The following SLC12A2 variants were observed in gnomAD, a reference collection of about 807,000 sequenced individuals.
SLC12A2 encodes the protein solute carrier family 12 member 2.
In SLC12A2, 67 loss-of-function variants were observed where a neutral mutation model predicts 136.3. The ratio of observed to expected loss-of-function variants is 0.49; its 90% CI spans 0.40 to 0.60. The LOEUF is 0.60. SLC12A2 is among the 20% of genes least tolerant of loss of function. SLC12A2 has a pLI of 0.00. For synonymous variants in SLC12A2, 619 were observed against 562.9 expected (o/e 1.10, Z -1.41); for missense variants, 1,322 against 1,534.7 (o/e 0.86, Z 2.32).
At position 128,084,239 on chromosome 5, in the gene SLC12A2, TGCG is replaced by T. The variant is rs746633185; in HGVS notation, c.306_308del (p.Ala107del). On this transcript the variant is annotated inframe_deletion, in exon 1 of 27. Transcript: ENST00000262461. The surrounding 1 kb of genome is among the most constrained non-coding windows in gnomAD (Gnocchi z 5.6). ...CCGAGAACGCCGGGCGGGCCGCTGC[TGCG>T]GCGGCGGCGGCGGCGGCGGCAGCGG... The T allele has an allele frequency of 3.1e-4, 401 of 1,274,644 alleles. No homozygotes were observed. The highest frequency in any genetic ancestry group is 2.3e-3 in the South Asian group (77 of 33,112). The allele number at this position is 1,274,644 out of a possible 1,614,324, so 79.0% of individuals were successfully genotyped here.
intron 1 of SLC12A2, among the ~76,000 whole-genome samples, chr5:128,103,600 T>G (rs1401626772): frequency 6.6e-6 from 1 of 152,066 alleles, no homozygotes; most frequent in Non-Finnish European, 1.5e-5. Context: ...AATTACAGAG[T>G]ATGATATGTG....
chr5:128,158,550 G>A (rs1258998857), intron 16 of SLC12A2, among the ~76,000 whole-genome samples: 1 of 152,130 alleles, frequency 6.6e-6, no homozygotes, highest in Non-Finnish European at 1.5e-5. Context: ...TTTTATGGCT[G>A]CATAATACTC....
In SLC12A2 at chr5:128,166,813, T is replaced by A. The variant is rs1289193336; in HGVS notation, c.2617-948T>A. On this transcript the variant is annotated intron_variant, in intron 17 of 26. Transcript: ENST00000262461. ...AAATGGTTAAAATGACAATTTTTTTTATTTATCTTTTGCTACAATAAAATA... is the reference window on the plus strand; with the variant it reads ...AAATGGTTAAAATGACAATTTTTTTAATTTATCTTTTGCTACAATAAAATA... Among the ~76,000 whole-genome samples the A allele has an allele frequency of 5.3e-5, 8 of 152,084 alleles. No homozygotes were observed. The East Asian group carries it at 5.8e-4, about 11-fold the overall frequency.
At chr5:128,152,027 G>C (rs3805610) in intron 14 of SLC12A2, among the ~76,000 whole-genome samples, 19,163 of 152,036 alleles carry the variant, frequency 0.13, 1,418 homozygotes, top group African/African-American at 0.21. Flanking sequence ...ATTATAACCC[G>C]TGACACATGA....
At chr5:128,118,028 C>T (rs10039525) in intron 4 of SLC12A2, among the ~76,000 whole-genome samples, 72,161 of 151,952 alleles carry the variant, frequency 0.47, 18,348 homozygotes, top group Non-Finnish European at 0.56. Flanking sequence ...CCATCTTACT[C>T]CTGCAGGAAT....
At chr5:128,118,023 T>C (rs1319438508) in intron 4 of SLC12A2, among the ~76,000 whole-genome samples, 1 of 152,110 alleles carries the variant, frequency 6.6e-6, no homozygotes, top group East Asian at 1.9e-4. Context: ...AGATACCATC[T>C]TACTCCTGCA....
chr5:128,147,749 A>T lies in SLC12A2; in HGVS notation c.1881+20A>T. The T allele has an allele frequency of 7.1e-7, 1 of 1,404,648 alleles. No individual in the cohort carries two copies. The highest frequency in any genetic ancestry group is 1.2e-5 in the South Asian group (1 of 85,008). 87.0% of individuals were successfully genotyped at this position (1,404,648 alleles called of 1,614,324 possible). On this transcript the variant is annotated intron_variant, in intron 11 of 26. Coordinates refer to ENST00000262461, the MANE Select transcript of SLC12A2 (RefSeq NM_001046.3). The stretch of plus-strand genomic sequence containing the variant: ...TTTCAGGTAAGTGTTTTTATATTAC[A>T]GGCTTTATTAAAGGGAGAGTTAAAG...
intron 4 of SLC12A2, among the ~76,000 whole-genome samples, chr5:128,126,757 T>C (rs1156789121): frequency 6.6e-6 from 1 of 151,722 alleles, no homozygotes; most frequent in African/African-American, 2.4e-5. Flanking sequence ...TTCCTAGTCT[T>C]AGAGGGAATG....
Position 128,083,975 on chromosome 5 carries a change from G to C in SLC12A2, c.21G>C (p.Ala7=). 4.0e-6 allele frequency: 5 copies of C among 1,240,846 alleles called. No individual in the cohort carries two copies. The highest frequency in any genetic ancestry group is 5.0e-6 in the Non-Finnish European group (5 of 992,656). The allele number at this position is 1,240,846 out of a possible 1,614,324, so 76.9% of individuals were successfully genotyped here. A position where few individuals can be genotyped will look rare whatever the true frequency, so the allele number is the denominator to read the frequency against. ...CAGCTATGGAGCCGCGGCCCACGGC[G>C]CCCTCCTCCGGCGCCCCGGGACTGG... MEPRPT[A]PSSGAPGLAG... is the part of the protein sequence containing the mutation. Residue 7 remains alanine, a synonymous_variant, in exon 1 of 27, where the codon GCG becomes GCC. Coordinates refer to ENST00000262461, the MANE Select transcript of SLC12A2 (RefSeq NM_001046.3).
At chr5:128,179,161 C>T (rs1763623645) in intron 22 of SLC12A2, among the ~76,000 whole-genome samples, 1 of 152,132 alleles carries the variant, frequency 6.6e-6, no homozygotes, top group Non-Finnish European at 1.5e-5. Context: ...ACCCCACCCC[C>T]TTTTATAATT....
intron 16 of SLC12A2, among the ~76,000 whole-genome samples, chr5:128,159,338 G>A (rs941976281): frequency 1.3e-5 from 2 of 152,086 alleles, no homozygotes; most frequent in Admixed American, 1.3e-4. Flanking sequence ...CAGGACAAAG[G>A]CATGGGCACA....
intron 19 of SLC12A2, among the ~76,000 whole-genome samples, chr5:128,173,443 A>T (rs907840075): frequency 1.3e-5 from 2 of 152,346 alleles, no homozygotes; most frequent in East Asian, 1.9e-4. Context: ...TGAAACTTTT[A>T]AAAAGTATTT....
intron 1 of SLC12A2, among the ~76,000 whole-genome samples, chr5:128,098,503 T>G (rs1201776282): frequency 6.6e-6 from 1 of 151,992 alleles, no homozygotes; most frequent in Non-Finnish European, 1.5e-5. Flanking sequence ...TTGTTTTTTT[T>G]TCTTGAGTGT....
At chr5:128,146,226 A>G (rs1350910631) in intron 10 of SLC12A2, among the ~76,000 whole-genome samples, 2 of 151,930 alleles carry the variant, frequency 1.3e-5, no homozygotes, top group Admixed American at 1.3e-4. Flanking sequence ...CAATATGGTT[A>G]TCCTACTTAA....
intron 22 of SLC12A2, among the ~76,000 whole-genome samples, chr5:128,179,989 C>G (rs983079040): frequency 5.6e-5 from 1 of 17,772 alleles, no homozygotes; most frequent in Non-Finnish European, 1.0e-4. Context: ...TTTTTTTTTG[C>G]GACTGAGTCT....
intron 1 of SLC12A2, among the ~76,000 whole-genome samples, chr5:128,088,659 A>G (rs1035265358): frequency 3.9e-5 from 6 of 152,194 alleles, no homozygotes; most frequent in Non-Finnish European, 7.3e-5. Flanking sequence ...TTACCATTGC[A>G]GTTGTCCTTG....
At chr5:128,182,509 T>C (rs1165305848) in intron 23 of SLC12A2, among the ~76,000 whole-genome samples, 4 of 152,162 alleles carry the variant, frequency 2.6e-5, no homozygotes, top group African/African-American at 4.8e-5. Context: ...TAAATATTTG[T>C]CTACTAGTTT....
chr5:128,139,025 G>T, intron 9 of SLC12A2, 117 bp downstream of exon 9: 1 of 716,556 alleles, frequency 1.4e-6, no homozygotes, highest in Non-Finnish European at 2.3e-6. Context: ...TCAATAAAAA[G>T]ACATGGAGTT....
Position 128,083,962 on chromosome 5 carries a change from C to G in SLC12A2, c.8C>G (p.Pro3Arg). Residue 3 changes from proline to arginine, a missense_variant, in exon 1 of 27, where the codon CCG (proline) becomes CGG (arginine). Around this residue, in one of 8 missense-constraint regions of SLC12A2, gnomAD observed 358 missense variants for 299.7 expected, o/e 1.19. Transcript: ENST00000262461. The part of the protein sequence containing the change: ME[P>R]RPTAPSSGAP... ...GCCGGGGGTCGGGCAGCTATGGAGCCGCGGCCCACGGCGCCCTCCTCCGGC... is the reference window on the plus strand; with the variant it reads ...GCCGGGGGTCGGGCAGCTATGGAGCGGCGGCCCACGGCGCCCTCCTCCGGC... The G allele has an allele frequency of 8.1e-7, 1 of 1,236,856 alleles. No individual in the cohort carries two copies. The highest frequency in any genetic ancestry group is 1.0e-6 in the Non-Finnish European group (1 of 989,992). 76.6% of individuals were successfully genotyped at this position (1,236,856 alleles called of 1,614,324 possible).
Sources: allele counts gnomAD v4.1 joint callset (sites outside exome capture counted in the v4.1 genomes callset), GRCh38; gene constraint gnomAD v4.1.1; regional missense constraint gnomAD v4.1.1; non-coding constraint Gnocchi (gnomAD v3.1); transcripts MANE v1.5; gene names NCBI Gene and HGNC (gene_info 2026-07-23, HGNC 2026-07-21).